The following EFNA5 variants were observed in gnomAD, a reference collection of about 807,000 sequenced individuals.
EFNA5 encodes ephrin A5.
In EFNA5, 5 loss-of-function variants were observed where a neutral mutation model predicts 22.9. The ratio of observed to expected loss-of-function variants is 0.22; its 90% CI spans 0.11 to 0.46. The LOEUF (loss-of-function observed/expected upper bound fraction) is 0.46. Among genes scored for constraint, EFNA5 ranks in the 20% least tolerant of loss-of-function variants. The pLI is 0.99. For synonymous variants in EFNA5, 113 were observed against 112.2 expected, an observed-to-expected ratio of 1.01 and a Z score of -0.04; for missense variants, 237 against 293.3, an observed-to-expected ratio of 0.81 and a Z score of 1.40.
intron 1 of EFNA5, among the ~76,000 whole-genome samples, chr5:107,611,427 G>A (rs1466709938): frequency 6.6e-6 from 1 of 152,158 alleles, no homozygotes; most frequent in African/African-American, 2.4e-5. Flanking sequence ...AATTCCACGG[G>A]AAACAAGGTA....
chr5:107,398,916 C>G (rs1224939815), intron 2 of EFNA5, among the ~76,000 whole-genome samples: 1 of 148,474 alleles, frequency 6.7e-6, no homozygotes, highest in African/African-American at 2.5e-5. Context: ...TAATATGAAC[C>G]AAAATTTAGG....
At chr5:107,478,545 C>A (rs1022714660) in intron 1 of EFNA5, among the ~76,000 whole-genome samples, 3 of 152,144 alleles carry the variant, frequency 2.0e-5, no homozygotes, top group Non-Finnish European at 4.4e-5. Context: ...ATTTGTGAGA[C>A]TCAGACAACG....
intron 1 of EFNA5, among the ~76,000 whole-genome samples, chr5:107,641,756 T>C (rs969609112): frequency 6.6e-6 from 1 of 152,204 alleles, no homozygotes; most frequent in African/African-American, 2.4e-5. Flanking sequence ...GTGTACAGCA[T>C]CTGTTCATTG....
chr5:107,433,127 CAA>C (rs1749008183), intron 1 of EFNA5, among the ~76,000 whole-genome samples: 1 of 152,102 alleles, frequency 6.6e-6, no homozygotes, highest in Non-Finnish European at 1.5e-5. Flanking sequence ...TTTCAGGAGT[CAA>C]AAGTTATACC....
intron 1 of EFNA5, among the ~76,000 whole-genome samples, chr5:107,607,729 G>A (rs926825319): frequency 1.3e-5 from 2 of 152,104 alleles, no homozygotes; most frequent in Admixed American, 6.6e-5. Flanking sequence ...AGGGGGAGAG[G>A]AAGGAGGGAG....
At chr5:107,387,639 G>A in intron 3 of EFNA5, 67 bp downstream of exon 3, 4 of 1,205,814 alleles carry the variant, frequency 3.3e-6, no homozygotes, top group Non-Finnish European at 4.8e-6. Flanking sequence ...TTACCGCCGT[G>A]AACCAGACCA....
chr5:107,614,741 G>T (rs867130256), intron 1 of EFNA5, among the ~76,000 whole-genome samples: 2 of 152,056 alleles, frequency 1.3e-5, no homozygotes, highest in Non-Finnish European at 2.9e-5. Flanking sequence ...AATCCAGAAG[G>T]AACTTTTGAG....
intron 1 of EFNA5, among the ~76,000 whole-genome samples, chr5:107,660,277 T>TATATATATATATATATATATATATAA (rs1750920504): frequency 2.5e-5 from 1 of 39,538 alleles, no homozygotes; most frequent in Non-Finnish European, 4.9e-5. Context: ...TATATATATA[T>TATATATATATATATATATATATATAA]ATATATATAT....
At chr5:107,458,337 C>A (rs1452531642) in intron 1 of EFNA5, among the ~76,000 whole-genome samples, 1 of 151,992 alleles carries the variant, frequency 6.6e-6, no homozygotes, top group Admixed American at 6.6e-5. Context: ...TTCCTTTCCT[C>A]AAAGATTTCG....
In EFNA5 at chr5:107,377,334, T is replaced by G. The variant is rs111346586; in HGVS notation, c.*3921A>C. On this transcript the variant is annotated 3_prime_UTR_variant, in exon 5 of 5. Transcript: ENST00000333274. ...AGTGATGCCAAACCAGAGACAGACC[T>G]GCCCATTCACAGCTCTGAGGGGAAA... The G allele has an allele frequency of 9.2e-5, 14 of 151,878 alleles. No homozygotes were observed. The highest frequency in any genetic ancestry group is 3.1e-4 in the African/African-American group (13 of 41,312). The allele number at this position is 151,878 out of a possible 1,614,324, so 9.4% of individuals were successfully genotyped here. A position where few individuals can be genotyped will look rare whatever the true frequency, so the allele number is the denominator to read the frequency against.
Position 107,544,847 on chromosome 5 carries a change from G to A in EFNA5, c.126-117338C>T, listed in dbSNP as rs1268652336. Among the ~76,000 whole-genome samples the A allele has an allele frequency of 2.0e-5, 3 of 152,094 alleles. No homozygotes were observed. In the East Asian group the frequency reaches 5.8e-4, roughly 29 times the overall value. On this transcript the variant is annotated intron_variant, in intron 1 of 4. Transcript: ENST00000333274. ...TATTTTAATTGCTATTTAAATATAA[G>A]CTGAAAAAAATTAAGTAACTTTCTC... is the stretch of plus-strand genomic sequence containing the variant.
intron 1 of EFNA5, among the ~76,000 whole-genome samples, chr5:107,575,640 G>A (rs1225595437): frequency 6.6e-6 from 1 of 152,086 alleles, no homozygotes; most frequent in East Asian, 1.9e-4. Context: ...ATAATCTATT[G>A]TAGACCTACT....
At chr5:107,528,995 G>C (rs455970) in intron 1 of EFNA5, among the ~76,000 whole-genome samples, 7,041 of 152,134 alleles carry the variant, frequency 0.046, 553 homozygotes, top group African/African-American at 0.16. Context: ...ATGTATATAT[G>C]TTTGTGTACA....
chr5:107,648,439 T>C (rs1750668924), intron 1 of EFNA5, among the ~76,000 whole-genome samples: 1 of 152,186 alleles, frequency 6.6e-6, no homozygotes, highest in African/African-American at 2.4e-5. Context: ...TCCTTCCAAA[T>C]GCAAAGGGAA....
intron 1 of EFNA5, among the ~76,000 whole-genome samples, chr5:107,445,727 C>T (rs569241324): frequency 9.9e-5 from 15 of 152,208 alleles, no homozygotes; most frequent in African/African-American, 3.1e-4. Context: ...CACTAATAGG[C>T]GTCCTCTGAA....
At chr5:107,529,842 C>T (rs770494040) in intron 1 of EFNA5, among the ~76,000 whole-genome samples, 4 of 152,154 alleles carry the variant, frequency 2.6e-5, no homozygotes, top group African/African-American at 4.8e-5. Flanking sequence ...TCTAGGGAGC[C>T]TAGGCTAAGA....
chr5:107,581,018 A>T (rs6888055), intron 1 of EFNA5, among the ~76,000 whole-genome samples: 70,712 of 152,036 alleles, frequency 0.47, 17,372 homozygotes, highest in African/African-American at 0.57. Context: ...AACTGGAAGA[A>T]GACTTTGAAC....
At chr5:107,530,646 GAGA>G (rs776704230) in intron 1 of EFNA5, among the ~76,000 whole-genome samples, 44 of 152,220 alleles carry the variant, frequency 2.9e-4, no homozygotes, top group Non-Finnish European at 4.0e-4. Flanking sequence ...AAGGCAGAGT[GAGA>G]AGAAGGACAG....
At chr5:107,541,310 T>C (rs138171993) in intron 1 of EFNA5, among the ~76,000 whole-genome samples, 1 of 152,136 alleles carries the variant, frequency 6.6e-6, no homozygotes, top group Non-Finnish European at 1.5e-5. Context: ...ATACTGAAAG[T>C]TAATTTATCA....
Sources: allele counts gnomAD v4.1 joint callset (sites outside exome capture counted in the v4.1 genomes callset), GRCh38; gene constraint gnomAD v4.1.1; transcripts MANE v1.5; gene names NCBI Gene and HGNC (gene_info 2026-07-23, HGNC 2026-07-21).